LRRC4C: variants seen among roughly 807,000 people sequenced by gnomAD.
The protein encoded by LRRC4C is leucine-rich repeat-containing protein 4C.
A neutral mutation model predicts 33.6 loss-of-function variants in LRRC4C; 5 were observed. That is an observed-to-expected ratio of 0.15 (90% CI 0.08 to 0.31). LRRC4C has a LOEUF of 0.31. Ranked by LOEUF, LRRC4C falls within the 10% of genes least tolerant of loss-of-function variation. The pLI, the probability that LRRC4C is intolerant of heterozygous loss-of-function variation, is 1.00. For synonymous variants in LRRC4C, 329 were observed against 302.0 expected (o/e 1.09, Z -0.93); for missense variants, 560 against 796.7 (o/e 0.70, Z 3.58).
chr11:40,637,655 T>C (rs1040325430), intron 3 of LRRC4C, among the ~76,000 whole-genome samples: 3 of 152,192 alleles, frequency 2.0e-5, no homozygotes, highest in Non-Finnish European at 1.5e-5. Context: ...TTACAACCTG[T>C]CTTTAATCAT....
At position 40,943,394 on chromosome 11, in the gene LRRC4C, T is replaced by G; in HGVS notation, c.-495-9671A>C. On this transcript the variant is annotated intron_variant, in intron 1 of 6. Transcript: ENST00000528697. ...CTTCAAAACCCGTATTCTTAACCAC[T>G]ATTCTCCATTACCTTCGATTCCAGC... Among the ~76,000 whole-genome samples the G allele has an allele frequency of 1.3e-5, 2 of 152,164 alleles. 1 individual carries two copies. The highest frequency in any genetic ancestry group is 1.3e-4 in the Admixed American group (2 of 15,260).
At chr11:40,246,372 T>C (rs1401260110) in intron 4 of LRRC4C, among the ~76,000 whole-genome samples, 1 of 152,212 alleles carries the variant, frequency 6.6e-6, no homozygotes, top group Non-Finnish European at 1.5e-5. Context: ...CTCAACGTTA[T>C]TTTGTTTTTG....
chr11:40,514,738 T>A (rs2135170521), intron 3 of LRRC4C, among the ~76,000 whole-genome samples: 1 of 152,086 alleles, frequency 6.6e-6, no homozygotes, highest in East Asian at 1.9e-4. Context: ...CTTTCTTCTA[T>A]CTCTTCTCTC....
At chr11:41,233,514 A>G (rs1470047406) in intron 1 of LRRC4C, among the ~76,000 whole-genome samples, 2 of 152,010 alleles carry the variant, frequency 1.3e-5, no homozygotes, top group Non-Finnish European at 2.9e-5. Flanking sequence ...GAGTTTGAGC[A>G]GGCTTGTATA....
At chr11:41,226,493 C>G (rs1049605230) in intron 1 of LRRC4C, among the ~76,000 whole-genome samples, 3 of 152,102 alleles carry the variant, frequency 2.0e-5, no homozygotes, top group Non-Finnish European at 2.9e-5. Flanking sequence ...GTAAACTCCC[C>G]CAATGTCCTG....
At position 41,320,294 on chromosome 11, in the gene LRRC4C, T is replaced by C. The variant is rs540091123; in HGVS notation, c.-496+139137A>G. 9.8e-5 allele frequency among the ~76,000 whole-genome samples: 15 copies of C among 152,358 alleles called. 1 individual carries two copies. The highest frequency in any genetic ancestry group is 9.2e-4 in the Admixed American group (14 of 15,296). On this transcript the variant is annotated intron_variant, in intron 1 of 6. Transcript: ENST00000528697. Reference sequence around the variant, plus strand: ...CTGACCATAACCATGATTTAGCCGATGGTAATCCACATTTGAAAGACATAG... The same window carrying C: ...CTGACCATAACCATGATTTAGCCGACGGTAATCCACATTTGAAAGACATAG...
At chr11:40,665,349 T>C (rs1359002436) in intron 2 of LRRC4C, among the ~76,000 whole-genome samples, 1 of 16,112 alleles carries the variant, frequency 6.2e-5, no homozygotes, top group African/African-American at 1.9e-4. Flanking sequence ...TATATATATA[T>C]ATATATATAT....
At chr11:40,538,471 T>C (rs930934264) in intron 3 of LRRC4C, among the ~76,000 whole-genome samples, 3 of 152,226 alleles carry the variant, frequency 2.0e-5, no homozygotes, top group African/African-American at 4.8e-5. Flanking sequence ...CTTATCCTTT[T>C]TTGTGGCTGC....
In LRRC4C at chr11:40,343,030, A is replaced by AT. The variant is rs146852965; in HGVS notation, c.-269-23310dup. On this transcript the variant is annotated intron_variant, in intron 3 of 6. Transcript: ENST00000528697. Reference sequence around the variant, plus strand: ...TACCGCATTTTTTTATTTTATATATATATTTTTTGCCTAATGTAATGCCTA... The same window carrying AT: ...TACCGCATTTTTTTATTTTATATATATTATTTTTTGCCTAATGTAATGCCTA... Among the ~76,000 whole-genome samples the AT allele has an allele frequency of 6.3e-3, 953 of 151,270 alleles. 8 individuals carry two copies. The highest frequency in any genetic ancestry group is 0.022 in the African/African-American group (890 of 40,900).
At chr11:41,303,233 G>C (rs1032407899) in intron 1 of LRRC4C, among the ~76,000 whole-genome samples, 10 of 149,586 alleles carry the variant, frequency 6.7e-5, no homozygotes, top group African/African-American at 2.5e-4. Flanking sequence ...GAATGCCTGC[G>C]ATTGCAGGCA....
chr11:40,481,696 T>C (rs1944987599), intron 3 of LRRC4C, among the ~76,000 whole-genome samples: 1 of 152,188 alleles, frequency 6.6e-6, no homozygotes, highest in Admixed American at 6.5e-5. Flanking sequence ...CTATGATAAA[T>C]AAAGCAAGAC....
At chr11:41,199,783 C>G (rs533844582) in intron 1 of LRRC4C, among the ~76,000 whole-genome samples, 2 of 152,196 alleles carry the variant, frequency 1.3e-5, no homozygotes, top group Admixed American at 1.3e-4. Flanking sequence ...ACTAGCTGGA[C>G]CTTCTTTCTG....
intron 3 of LRRC4C, among the ~76,000 whole-genome samples, chr11:40,621,831 A>G (rs1341699707): frequency 6.6e-6 from 1 of 151,826 alleles, no homozygotes; most frequent in Non-Finnish European, 1.5e-5. Context: ...TTGATGTATT[A>G]ACTCACTTAA....
intron 3 of LRRC4C, among the ~76,000 whole-genome samples, chr11:40,337,946 AT>A (rs1007667838): frequency 1.3e-5 from 2 of 152,106 alleles, no homozygotes; most frequent in African/African-American, 4.8e-5. Flanking sequence ...TCATTCTTAA[AT>A]CCATTCACAA....
intron 3 of LRRC4C, among the ~76,000 whole-genome samples, chr11:40,619,632 G>T (rs767775514): frequency 3.3e-5 from 5 of 151,482 alleles, no homozygotes; most frequent in Non-Finnish European, 5.9e-5. Flanking sequence ...CCTAAATCCC[G>T]TAGATCAATT....
At chr11:40,907,256 A>G (rs1427975803) in intron 2 of LRRC4C, among the ~76,000 whole-genome samples, 1 of 152,150 alleles carries the variant, frequency 6.6e-6, no homozygotes, top group East Asian at 1.9e-4. Flanking sequence ...GTGCTGAGTA[A>G]CTTTTTCCTG....
chr11:41,417,875 G>A (rs2138288098), intron 1 of LRRC4C, among the ~76,000 whole-genome samples: 1 of 151,252 alleles, frequency 6.6e-6, no homozygotes, highest in African/African-American at 2.4e-5. Flanking sequence ...TGCTATCCTA[G>A]CTAATATTTC....
At chr11:41,328,015 C>G (rs935420416) in intron 1 of LRRC4C, among the ~76,000 whole-genome samples, 1 of 152,132 alleles carries the variant, frequency 6.6e-6, no homozygotes, top group Non-Finnish European at 1.5e-5. Flanking sequence ...TTTCATGCTT[C>G]ACCCTTTGTA....
chr11:40,493,509 G>T (rs1212019642), intron 3 of LRRC4C, among the ~76,000 whole-genome samples: 2 of 152,022 alleles, frequency 1.3e-5, no homozygotes, highest in Non-Finnish European at 2.9e-5. Context: ...TCACAGATGT[G>T]CTCATGAAGA....
Sources: allele counts gnomAD v4.1 joint callset (sites outside exome capture counted in the v4.1 genomes callset), GRCh38; gene constraint gnomAD v4.1.1; transcripts MANE v1.5; gene names NCBI Gene and HGNC (gene_info 2026-07-23, HGNC 2026-07-21).